CPED1: variants seen among roughly 807,000 people sequenced by gnomAD.
The protein encoded by CPED1 is cadherin like and PC-esterase domain containing 1.
CPED1 carries 114 observed loss-of-function variants against 128.2 expected under a neutral mutation model. The observed-to-expected ratio is 0.89, with a 90% CI of 0.76 to 1.04. The LOEUF (loss-of-function observed/expected upper bound fraction) is 1.04, where lower values mean the gene tolerates loss of function less well. Among genes scored for constraint, CPED1 ranks in the 50% least tolerant of loss-of-function variants. CPED1 has a pLI of 0.00. For missense variants in CPED1, 1,211 were observed against 1,207.1 expected (o/e 1.00, Z -0.05); for synonymous variants, 462 against 426.7 (o/e 1.08, Z -1.02).
chr7:121,020,423 AT>A (rs1377079111), intron 3 of CPED1, among the ~76,000 whole-genome samples: 2 of 151,924 alleles, frequency 1.3e-5, no homozygotes, highest in African/African-American at 4.8e-5. Flanking sequence ...GGCAGAGTTG[AT>A]TAATTGCAAC....
intron 3 of CPED1, among the ~76,000 whole-genome samples, chr7:121,018,540 T>C (rs6966297): frequency 0.74 from 112,115 of 152,000 alleles, 42,318 homozygotes; most frequent in East Asian, 0.91. Flanking sequence ...AATATTACAT[T>C]AAAAACAAAA....
intron 16 of CPED1, among the ~76,000 whole-genome samples, chr7:121,162,681 C>A (rs1161492298): frequency 1.3e-5 from 2 of 152,184 alleles, no homozygotes; most frequent in Non-Finnish European, 2.9e-5. Flanking sequence ...AGTGCTTAAA[C>A]AATGTCATCT....
chr7:121,190,498 A>G (rs1797111310), intron 16 of CPED1, among the ~76,000 whole-genome samples: 1 of 151,808 alleles, frequency 6.6e-6, no homozygotes, highest in Admixed American at 6.6e-5. Flanking sequence ...TTAAAAAGAT[A>G]TGTCTGAATA....
intron 5 of CPED1, among the ~76,000 whole-genome samples, chr7:121,080,835 G>A (rs906916256): frequency 6.6e-6 from 1 of 152,108 alleles, no homozygotes; most frequent in Non-Finnish European, 1.5e-5. Context: ...TCTCCTTCTG[G>A]TGGTAGAGAC....
chr7:121,047,718 T>TTTTTCTTCTTCTTC (rs1563005084), intron 4 of CPED1, among the ~76,000 whole-genome samples: 1 of 92,660 alleles, frequency 1.1e-5, no homozygotes, highest in African/African-American at 6.6e-5. Flanking sequence ...TCTTCTTCTT[T>TTTTTCTTCTTCTTC]TTTTTTTTTT....
intron 7 of CPED1, among the ~76,000 whole-genome samples, chr7:121,121,704 A>G (rs1275175916): frequency 6.6e-6 from 1 of 152,232 alleles, no homozygotes; most frequent in Non-Finnish European, 1.5e-5. Flanking sequence ...ATTAGGAGGA[A>G]AGGTGAAAGT....
intron 17 of CPED1, among the ~76,000 whole-genome samples, chr7:121,238,014 A>T (rs943776600): frequency 1.3e-5 from 2 of 152,212 alleles, no homozygotes; most frequent in Admixed American, 6.5e-5. Context: ...ATTTTTTATC[A>T]GATGACAATT....
At chr7:121,208,342 C>G (rs1797567531) in intron 16 of CPED1, among the ~76,000 whole-genome samples, 1 of 151,956 alleles carries the variant, frequency 6.6e-6, no homozygotes. Flanking sequence ...TGAAATGAAA[C>G]TTATACTATC....
intron 4 of CPED1, among the ~76,000 whole-genome samples, chr7:121,054,667 GT>G (rs34569288): frequency 8.8e-5 from 13 of 147,580 alleles, no homozygotes; most frequent in African/African-American, 3.0e-4. Context: ...CAGGGTTGAG[GT>G]TTTTTTTTTT....
In CPED1 at chr7:121,295,620, A is replaced by G; in HGVS notation, c.3049A>G (p.Ser1017Gly). ...TCAGGTTTGTTCTGAAATCCTTCTC[A>G]GCAGGATGTGTGCAAATAAAAGGAC... ...INQVCSEILL[S>G]RMCANKRTM Residue 1017 changes from serine to glycine, a missense_variant, in exon 23 of 23, where the codon AGC becomes GGC. Transcript: ENST00000310396. 2 of 1,614,068 alleles carry G rather than the reference A, an allele frequency of 1.2e-6. No homozygotes were observed. The highest frequency in any genetic ancestry group is 8.5e-7 in the Non-Finnish European group (1 of 1,179,924).
At chr7:120,996,629 A>C (rs879900934) in intron 2 of CPED1, among the ~76,000 whole-genome samples, 1 of 152,102 alleles carries the variant, frequency 6.6e-6, no homozygotes, top group African/African-American at 2.4e-5. Flanking sequence ...TTAGCCCTTT[A>C]TTATACTATT....
intron 7 of CPED1, among the ~76,000 whole-genome samples, chr7:121,119,578 C>T (rs1042436841): frequency 5.3e-5 from 8 of 151,138 alleles, no homozygotes; most frequent in Non-Finnish European, 1.0e-4. Flanking sequence ...GTAATCCCAG[C>T]ACTTTGGGAG....
In CPED1 at chr7:121,150,252, C is replaced by G. The variant is rs1197837122; in HGVS notation, c.2055+8111C>G. 2.0e-5 allele frequency among the ~76,000 whole-genome samples: 3 copies of G among 150,876 alleles called. No homozygotes were observed. The Admixed American group carries it at 2.0e-4, about 10-fold the overall frequency. ...TTGTCTATCATTGCCATCTTCATGT[C>G]CATGTATGCCCAGTGTTTATCTCCT... On this transcript the variant is annotated intron_variant, in intron 16 of 22. Transcript: ENST00000310396.
chr7:121,121,892 G>A (rs1475040779), intron 7 of CPED1, among the ~76,000 whole-genome samples: 1 of 152,116 alleles, frequency 6.6e-6, no homozygotes, highest in Non-Finnish European at 1.5e-5. Flanking sequence ...TTTGACCAAG[G>A]AAATACAATT....
intron 2 of CPED1, among the ~76,000 whole-genome samples, chr7:120,990,194 A>G (rs1419636001): frequency 3.3e-5 from 5 of 152,190 alleles, no homozygotes; most frequent in Non-Finnish European, 5.9e-5. Context: ...AGGATTTACA[A>G]TTCAAAAACA....
chr7:121,193,309 C>G (rs764236593), intron 16 of CPED1, among the ~76,000 whole-genome samples: 1 of 152,074 alleles, frequency 6.6e-6, no homozygotes, highest in Non-Finnish European at 1.5e-5. Context: ...TGCTGTTAGA[C>G]TGGCCAACAT....
chr7:121,056,039 A>G, intron 4 of CPED1, among the ~76,000 whole-genome samples: 1 of 152,230 alleles, frequency 6.6e-6, no homozygotes, highest in Admixed American at 6.5e-5. Context: ...AGTATTTTGG[A>G]AAAATAAATA....
At chr7:121,227,174 G>T (rs769884412) in intron 16 of CPED1, among the ~76,000 whole-genome samples, 15 of 152,062 alleles carry the variant, frequency 9.9e-5, no homozygotes, top group Non-Finnish European at 2.1e-4. Flanking sequence ...TGGCCATATA[G>T]GTCATGTTTA....
At chr7:121,182,001 G>A (rs544798185) in intron 16 of CPED1, among the ~76,000 whole-genome samples, 16 of 152,128 alleles carry the variant, frequency 1.1e-4, no homozygotes, top group Admixed American at 8.5e-4. Flanking sequence ...ATGAACCTGG[G>A]AAACTAGGGG....
Sources: gnomAD v4.1 joint callset for allele counts (sites outside exome capture counted in the v4.1 genomes callset) on GRCh38, gnomAD v4.1.1 for gene constraint, MANE v1.5 for transcripts, NCBI Gene and HGNC (gene_info 2026-07-23, HGNC 2026-07-21) for gene names.